The following RGS18 variants were observed in gnomAD, a reference collection of about 807,000 sequenced individuals.
The protein encoded by RGS18 is regulator of G-protein signaling 18.
RGS18 carries 22 observed loss-of-function variants against 27.6 expected under a neutral mutation model. That is an observed-to-expected ratio of 0.80 (90% confidence interval 0.57 to 1.14). The LOEUF (loss-of-function observed/expected upper bound fraction) is 1.14. Ranked by LOEUF, RGS18 falls within the 50% of genes most tolerant of loss-of-function variation. The pLI is 0.00. For missense variants in RGS18, 299 were observed against 269.6 expected, an observed-to-expected ratio of 1.11 and a Z score of -0.76; for synonymous variants, 89 against 84.6, an observed-to-expected ratio of 1.05 and a Z score of -0.29.
intron 3 of RGS18, among the ~76,000 whole-genome samples, chr1:192,164,816 C>A (rs1169140539): frequency 6.6e-6 from 1 of 152,184 alleles, no homozygotes; most frequent in African/African-American, 2.4e-5. Flanking sequence ...TTACTTTAAT[C>A]TCTTAACCCA....
At position 192,158,692 on chromosome 1, in the gene RGS18, A is replaced by G; in HGVS notation, c.55A>G (p.Lys19Glu). The change falls in exon 1 of 5, where the codon AAA (lysine) becomes GAA (glutamate). Residue 19 changes from lysine (K) to glutamate (E), a missense_variant. Transcript: ENST00000367460. ...AATAAATATGTGTGAATCAAAAGAA[A>G]AAACTTTTTTCAAGTTAATACATGG... ...SQINMCESKEKTFFKLIHGSG... is the reference protein window; with the variant it reads ...SQINMCESKEETFFKLIHGSG... 2 of 1,584,560 alleles carry G rather than the reference A, an allele frequency of 1.3e-6. No homozygotes were observed. Among genetic ancestry groups the G allele is most frequent in the Non-Finnish European group, 1.7e-6 (2 of 1,170,638 alleles).
intron 3 of RGS18, among the ~76,000 whole-genome samples, chr1:192,165,379 G>C (rs1391595154): frequency 1.3e-5 from 2 of 152,152 alleles, no homozygotes; most frequent in African/African-American, 4.8e-5. Context: ...CCCTGGCCTT[G>C]TGACCTTGTC....
chr1:192,174,838 C>A (rs2102157394), intron 3 of RGS18, among the ~76,000 whole-genome samples: 1 of 151,864 alleles, frequency 6.6e-6, no homozygotes, highest in African/African-American at 2.4e-5. Flanking sequence ...CTTTTTAACC[C>A]AGTCAGATAA....
intron 3 of RGS18, among the ~76,000 whole-genome samples, chr1:192,176,138 G>C (rs1013632956): frequency 1.3e-5 from 2 of 151,738 alleles, no homozygotes; most frequent in Non-Finnish European, 2.9e-5. Context: ...AGGTTATTCT[G>C]GTCAATTTCT....
chr1:192,159,442 G>A, intron 2 of RGS18, 121 bp downstream of exon 2: 2 of 660,546 alleles, frequency 3.0e-6, no homozygotes, highest in Non-Finnish European at 2.7e-6. Context: ...AGGAAAGTTA[G>A]AAATTTCATT....
intron 3 of RGS18, among the ~76,000 whole-genome samples, chr1:192,178,641 A>T (rs887862946): frequency 1.3e-5 from 2 of 151,596 alleles, no homozygotes; most frequent in Non-Finnish European, 3.0e-5. Context: ...AAAATAATTT[A>T]AGTAAAGTGT....
chr1:192,172,116 C>T (rs985231065), intron 3 of RGS18, among the ~76,000 whole-genome samples: 4 of 152,018 alleles, frequency 2.6e-5, no homozygotes, highest in Non-Finnish European at 5.9e-5. Flanking sequence ...ATTCCCACTG[C>T]TACGGTTTGG....
chr1:192,171,760 C>A (rs1489222546), intron 3 of RGS18, among the ~76,000 whole-genome samples: 1 of 151,868 alleles, frequency 6.6e-6, no homozygotes, highest in Non-Finnish European at 1.5e-5. Flanking sequence ...TTGCTTACAA[C>A]ATTAAAAAAT....
Position 192,158,766 on chromosome 1 carries a change from T to G in RGS18, c.119+10T>G, listed in dbSNP as rs1256614734. 6.6e-7 allele frequency: 1 copy of G among 1,518,270 alleles called. No homozygotes were observed. Among genetic ancestry groups the G allele is most frequent in the East Asian group, 2.3e-5 (1 of 42,866 alleles). 94.0% of individuals were successfully genotyped at this position (1,518,270 alleles called of 1,614,324 possible). A position where few individuals can be genotyped will look rare whatever the true frequency, so the allele number is the denominator to read the frequency against. The stretch of plus-strand genomic sequence containing the variant: ...AAGAAGCCAAAATCAGGTAAAATTG[T>G]ACAATTTTAAGTCAGCCTTATACTT... On this transcript the variant is annotated intron_variant, in intron 1 of 4. Transcript: ENST00000367460.
rs756291676 is a variant in RGS18 at position 192,181,484 on chromosome 1, G to A, written c.450+26G>A. 5.6e-6 allele frequency: 8 copies of A among 1,438,750 alleles called. No individual in the cohort carries two copies. The Admixed American group carries it at 1.7e-4, about 30-fold the overall frequency. The allele number at this position is 1,438,750 out of a possible 1,614,324, so 89.1% of individuals were successfully genotyped here. On this transcript the variant is annotated intron_variant, in intron 4 of 4. Coordinates refer to ENST00000367460, the MANE Select transcript of RGS18 (RefSeq NM_130782.3). ...GTACAGTAAAGATAACTGTAAAAAT[G>A]CATAATTGCTTTCAAAATTTTTTAA...
intron 3 of RGS18, chr1:192,169,053 A>G (rs1368632477): frequency 6.6e-6 from 1 of 152,198 alleles, no homozygotes; most frequent in Non-Finnish European, 1.5e-5. Context: ...CACAGTTCTC[A>G]GGTTCAGACT....
Position 192,184,277 on chromosome 1 carries a change from C to A in RGS18, c.451-20C>A. ...TATAAGCATATTAACTATAATCACACTTTTTTTCTGTTTATCCAGGTTAAC... is the reference window on the plus strand; with the variant it reads ...TATAAGCATATTAACTATAATCACAATTTTTTTCTGTTTATCCAGGTTAAC... On this transcript the variant is annotated intron_variant, in intron 4 of 4. Coordinates refer to ENST00000367460, the MANE Select transcript of RGS18 (RefSeq NM_130782.3). 6.3e-7 allele frequency: 1 copy of A among 1,598,408 alleles called. No homozygotes were observed. The highest frequency in any genetic ancestry group is 8.6e-7 in the Non-Finnish European group (1 of 1,168,564).
intron 3 of RGS18, 150 bp from the exon 4 acceptor site, chr1:192,181,142 G>A: frequency 4.4e-6 from 2 of 456,098 alleles, no homozygotes; most frequent in South Asian, 4.5e-5. Context: ...GGGTCTCTCA[G>A]GTATATTGTG....
At chr1:192,177,841 T>A (rs1013098592) in intron 3 of RGS18, among the ~76,000 whole-genome samples, 2 of 151,706 alleles carry the variant, frequency 1.3e-5, no homozygotes, top group Admixed American at 1.3e-4. Context: ...CTTAAATCAG[T>A]GTAAAAACAT....
intron 3 of RGS18, among the ~76,000 whole-genome samples, chr1:192,174,404 G>C (rs1427255456): frequency 6.6e-6 from 1 of 151,750 alleles, no homozygotes; most frequent in African/African-American, 2.4e-5. Context: ...GAAAAGATGT[G>C]TTTGGTAGAT....
chr1:192,183,443 T>C (rs1382092692), intron 4 of RGS18, among the ~76,000 whole-genome samples: 1 of 151,680 alleles, frequency 6.6e-6, no homozygotes, highest in African/African-American at 2.4e-5. Flanking sequence ...ATTTAACCTC[T>C]GTGAGGTTTA....
intron 4 of RGS18, among the ~76,000 whole-genome samples, chr1:192,182,835 C>T (rs946347150): frequency 2.0e-5 from 3 of 151,560 alleles, no homozygotes; most frequent in Admixed American, 2.0e-4. Flanking sequence ...AAGTTTGCAT[C>T]ATATACCAAT....
chr1:192,159,402 C>A, intron 2 of RGS18, 81 bp downstream of exon 2: 1 of 898,732 alleles, frequency 1.1e-6, no homozygotes, highest in Non-Finnish European at 1.8e-6. Flanking sequence ...TTAGGGATTT[C>A]TGATTTATTG....
chr1:192,181,743 C>CATTTCA (rs1256750881), intron 4 of RGS18, among the ~76,000 whole-genome samples: 1 of 151,282 alleles, frequency 6.6e-6, no homozygotes, highest in Admixed American at 6.6e-5. Flanking sequence ...TGAAATATAC[C>CATTTCA]ATGTATTATT....
Sources: gnomAD v4.1 joint callset for allele counts (sites outside exome capture counted in the v4.1 genomes callset) on GRCh38, gnomAD v4.1.1 for gene constraint, MANE v1.5 for transcripts, NCBI Gene and HGNC (gene_info 2026-07-23, HGNC 2026-07-21) for gene names.